The following PPARG variants were observed in gnomAD, a reference collection of about 807,000 sequenced individuals.
PPARG encodes the protein peroxisome proliferator activated receptor gamma.
Under a neutral mutation model 39.2 loss-of-function variants are expected in PPARG, and 17 were observed. The observed-to-expected ratio is 0.43, with a 90% CI of 0.30 to 0.65. The LOEUF is 0.65. Among genes scored for constraint, PPARG ranks in the 30% least tolerant of loss-of-function variants. The probability of loss-of-function intolerance (pLI) is 0.13; values close to 1 mark genes in which losing one functional copy is unlikely to be tolerated. For synonymous variants in PPARG, 223 were observed against 215.7 expected (o/e 1.03, Z -0.30); for missense variants, 406 against 585.9 (o/e 0.69, Z 3.17).
At chr3:12,369,011 A>G (rs13067060) in intron 2 of PPARG, among the ~76,000 whole-genome samples, 503 of 152,326 alleles carry the variant, frequency 3.3e-3, no homozygotes, top group Non-Finnish European at 4.0e-3. Context: ...GAAAGATATT[A>G]TAATTAAAAG....
intron 2 of PPARG, among the ~76,000 whole-genome samples, chr3:12,374,676 G>C (rs562684902): frequency 6.6e-6 from 1 of 152,122 alleles, no homozygotes; most frequent in Non-Finnish European, 1.5e-5. Flanking sequence ...ATGGACTTTA[G>C]GTGGTAATAA....
At chr3:12,296,839 A>T (rs531953583) in intron 1 of PPARG, among the ~76,000 whole-genome samples, 1 of 152,336 alleles carries the variant, frequency 6.6e-6, no homozygotes, top group East Asian at 1.9e-4. Flanking sequence ...TGTTAAACAG[A>T]TTTACAAGAT....
At chr3:12,375,842 G>A (rs2049386480) in intron 2 of PPARG, among the ~76,000 whole-genome samples, 4 of 152,032 alleles carry the variant, frequency 2.6e-5, no homozygotes, top group African/African-American at 9.7e-5. Flanking sequence ...GGTTGTTTGG[G>A]TACTTATTTA....
intron 2 of PPARG, among the ~76,000 whole-genome samples, chr3:12,333,685 C>T (rs1179893877): frequency 6.6e-6 from 1 of 152,128 alleles, no homozygotes; most frequent in East Asian, 1.9e-4. Flanking sequence ...CCCCCTACCT[C>T]GTCTAGAAGG....
intron 2 of PPARG, among the ~76,000 whole-genome samples, chr3:12,372,895 T>C (rs2049272501): frequency 6.6e-6 from 1 of 152,236 alleles, no homozygotes; most frequent in African/African-American, 2.4e-5. Context: ...CCATGTCCTT[T>C]GCTCACAAGT....
chr3:12,334,787 A>T (rs1227069557), intron 2 of PPARG, among the ~76,000 whole-genome samples: 1 of 152,170 alleles, frequency 6.6e-6, no homozygotes, highest in Non-Finnish European at 1.5e-5. Context: ...ATGTACCAAC[A>T]TGTACTTCAG....
rs377393312 is a variant in PPARG, at chr3:12,383,742, A to G, written c.390+2251A>G. The stretch of plus-strand genomic sequence containing the variant: ...GTGGAAAGCTAACATTACTGAAAAC[A>G]GCTGAAAATGGAAAGACAAGAACAT... On this transcript the variant is annotated intron_variant, in intron 4 of 7. Transcript: ENST00000651735. Among the ~76,000 whole-genome samples, 5 of 152,262 alleles carry G rather than the reference A, an allele frequency of 3.3e-5. No homozygotes were observed. The East Asian group carries it at 7.7e-4, about 24-fold the overall frequency.
chr3:12,362,207 T>A (rs1368542915), intron 2 of PPARG, among the ~76,000 whole-genome samples: 2 of 152,156 alleles, frequency 1.3e-5, no homozygotes, highest in African/African-American at 4.8e-5. Flanking sequence ...TATAATGAGT[T>A]TTTTTGTGGA....
chr3:12,412,479 T>C (rs959121589), intron 6 of PPARG, among the ~76,000 whole-genome samples: 2 of 152,198 alleles, frequency 1.3e-5, no homozygotes, highest in African/African-American at 4.8e-5. Flanking sequence ...AATGTCAAAA[T>C]ATTGAAAATT....
intron 2 of PPARG, among the ~76,000 whole-genome samples, chr3:12,363,142 A>G (rs2048906588): frequency 6.6e-6 from 1 of 151,652 alleles, no homozygotes; most frequent in South Asian, 2.1e-4. Context: ...CTGGTCTTGA[A>G]CTCTTAGGCT....
chr3:12,297,350 A>G (rs4684846), intron 1 of PPARG, among the ~76,000 whole-genome samples: 43,487 of 152,026 alleles, frequency 0.29, 6,428 homozygotes, highest in East Asian at 0.49. Context: ...TACAAAAGTG[A>G]TAATAGTTAT....
chr3:12,313,341 C>A (rs942237702), intron 2 of PPARG, among the ~76,000 whole-genome samples: 13 of 151,940 alleles, frequency 8.6e-5, no homozygotes, highest in African/African-American at 2.9e-4. Flanking sequence ...GCAGTGACTC[C>A]CCAGTAGCAA....
intron 4 of PPARG, among the ~76,000 whole-genome samples, chr3:12,385,742 GA>G (rs761989908): frequency 6.6e-6 from 1 of 152,104 alleles, no homozygotes; most frequent in Non-Finnish European, 1.5e-5. Context: ...CCCTACTTCA[GA>G]AAGAGTTTTA....
intron 5 of PPARG, among the ~76,000 whole-genome samples, chr3:12,400,384 A>G (rs1474247457): frequency 6.6e-6 from 1 of 152,224 alleles, no homozygotes; most frequent in East Asian, 1.9e-4. Flanking sequence ...TTGTGTGTTC[A>G]GCAATATCAG....
intron 4 of PPARG, among the ~76,000 whole-genome samples, chr3:12,386,781 A>C (rs2049888122): frequency 6.6e-6 from 1 of 152,226 alleles, no homozygotes; most frequent in African/African-American, 2.4e-5. Context: ...CAGGTTTGTT[A>C]CATAGTTACA....
intron 1 of PPARG, among the ~76,000 whole-genome samples, chr3:12,291,547 T>C (rs147744122): frequency 1.3e-5 from 2 of 152,332 alleles, no homozygotes; most frequent in African/African-American, 2.4e-5. Flanking sequence ...AAAGCTGTTA[T>C]TTAACTAAAA....
chr3:12,388,956 A>T (rs1313856916), intron 4 of PPARG, among the ~76,000 whole-genome samples: 1 of 152,170 alleles, frequency 6.6e-6, no homozygotes, highest in Non-Finnish European at 1.5e-5. Context: ...ACTGAAAGAG[A>T]TATGCAAAGA....
At chr3:12,374,404 G>C (rs932539225) in intron 2 of PPARG, among the ~76,000 whole-genome samples, 2 of 152,030 alleles carry the variant, frequency 1.3e-5, no homozygotes. Flanking sequence ...TTCAAGACCA[G>C]CCTGGCCAAC....
At chr3:12,384,763 T>A (rs1014393342) in intron 4 of PPARG, among the ~76,000 whole-genome samples, 4 of 152,152 alleles carry the variant, frequency 2.6e-5, no homozygotes, top group Admixed American at 1.3e-4. Context: ...ATGTGGAGTG[T>A]TCTGGAAGCT....
Sources: gnomAD v4.1 joint callset for allele counts (sites outside exome capture counted in the v4.1 genomes callset) on GRCh38, gnomAD v4.1.1 for gene constraint, MANE v1.5 for transcripts, NCBI Gene and HGNC (gene_info 2026-07-23, HGNC 2026-07-21) for gene names.